The following CBX1 variants were observed in gnomAD, a reference collection of about 807,000 sequenced individuals.
CBX1 encodes chromobox 1.
In CBX1, 10 loss-of-function variants were observed where a neutral mutation model predicts 25.1. That is an observed-to-expected ratio of 0.40 (90% CI 0.25 to 0.68). The LOEUF (loss-of-function observed/expected upper bound fraction) is 0.68. Ranked by LOEUF, CBX1 falls within the 30% of genes least tolerant of loss-of-function variation. CBX1 has a pLI of 0.40. For missense variants in CBX1, 106 were observed against 218.5 expected, an observed-to-expected ratio of 0.49 and a Z score of 3.25; for synonymous variants, 63 against 79.4, an observed-to-expected ratio of 0.79 and a Z score of 1.10.
intron 1 of CBX1, among the ~76,000 whole-genome samples, chr17:48,093,070 C>CA (rs748778471): frequency 0.022 from 195 of 8,734 alleles, 3 homozygotes; most frequent in African/African-American, 0.066. Context: ...AACTCTGTCT[C>CA]AAAAAAAAAA....
chr17:48,090,850 T>C (rs1434438371), intron 1 of CBX1, among the ~76,000 whole-genome samples: 1 of 152,200 alleles, frequency 6.6e-6, no homozygotes, highest in African/African-American at 2.4e-5. Flanking sequence ...ACCTATTACG[T>C]GTAAGGTGCT....
chr17:48,080,951 A>AAT (rs1323670486), intron 1 of CBX1, among the ~76,000 whole-genome samples: 850 of 33,174 alleles, frequency 0.026, 9 homozygotes, highest in Non-Finnish European at 0.035. Flanking sequence ...AAAAAAAAAA[A>AAT]ATATATATAT....
At chr17:48,099,397 C>A (rs2063394915) in intron 1 of CBX1, among the ~76,000 whole-genome samples, 1 of 146,580 alleles carries the variant, frequency 6.8e-6, no homozygotes, top group South Asian at 2.1e-4. Context: ...AGCCACTGCG[C>A]CCGACCCTAC....
rs191445768 is a variant in CBX1 at position 48,084,030 on chromosome 17, T to G, written c.-37-6989A>C. On this transcript the variant is annotated intron_variant, in intron 1 of 4. Coordinates refer to ENST00000225603, the MANE Select transcript of CBX1 (RefSeq NM_001127228.2). ...GTTTAGACACAGGGTGTCGCTCTGT[T>G]GCCCAGTACGGTGGCCTGATCATAA... Among the ~76,000 whole-genome samples the G allele has an allele frequency of 1.8e-3, 277 of 150,064 alleles. 3 individuals carry two copies. The highest frequency in any genetic ancestry group is 0.017 in the Admixed American group (261 of 15,182).
At chr17:48,087,331 C>G (rs2144453132) in intron 1 of CBX1, among the ~76,000 whole-genome samples, 1 of 152,098 alleles carries the variant, frequency 6.6e-6, no homozygotes. Flanking sequence ...AATCCCACCA[C>G]TTTGGGAGGC....
intron 1 of CBX1, among the ~76,000 whole-genome samples, chr17:48,082,306 T>C (rs562235255): frequency 6.1e-4 from 93 of 151,822 alleles, no homozygotes; most frequent in African/African-American, 2.2e-3. Flanking sequence ...ATCGAGCCCA[T>C]CCTGGCTAAC....
intron 4 of CBX1, among the ~76,000 whole-genome samples, chr17:48,073,819 T>G (rs1027103514): frequency 4.0e-4 from 20 of 50,506 alleles, no homozygotes; most frequent in African/African-American, 2.6e-3. Flanking sequence ...AGAGTGAGAC[T>G]GTCTCAAAAA....
At chr17:48,087,473 C>A (rs1351386434) in intron 1 of CBX1, among the ~76,000 whole-genome samples, 2 of 151,916 alleles carry the variant, frequency 1.3e-5, no homozygotes, top group African/African-American at 4.8e-5. Flanking sequence ...ACTCAGGAGG[C>A]TGAGGCAGGA....
intron 4 of CBX1, among the ~76,000 whole-genome samples, chr17:48,072,583 G>C (rs891350616): frequency 6.6e-6 from 1 of 151,740 alleles, no homozygotes; most frequent in Non-Finnish European, 1.5e-5. Flanking sequence ...GTCAGATCGA[G>C]ACCATCCTGG....
chr17:48,088,523 G>A (rs1376008186), intron 1 of CBX1, among the ~76,000 whole-genome samples: 1 of 151,868 alleles, frequency 6.6e-6, no homozygotes, highest in East Asian at 1.9e-4. Context: ...GGAGGCTGAG[G>A]CAGGAAAATC....
chr17:48,078,317 T>A (rs2037697101), intron 1 of CBX1, among the ~76,000 whole-genome samples: 1 of 151,488 alleles, frequency 6.6e-6, no homozygotes, highest in Non-Finnish European at 1.5e-5. Flanking sequence ...CTCAGCCTCC[T>A]GAGTAGCTGT....
chr17:48,077,098 A>G, intron 1 of CBX1, 57 bp from the exon 2 acceptor site: 4 of 1,373,706 alleles, frequency 2.9e-6, no homozygotes, highest in Non-Finnish European at 4.0e-6. Context: ...TGGTTAGATA[A>G]TATCTGGATG....
chr17:48,087,917 A>C (rs1050240631), intron 1 of CBX1, among the ~76,000 whole-genome samples: 1 of 151,924 alleles, frequency 6.6e-6, no homozygotes, highest in Non-Finnish European at 1.5e-5. Context: ...AGAAATACAG[A>C]TGCCTAGACC....
intron 2 of CBX1, 58 bp downstream of exon 2, chr17:48,076,807 T>C: frequency 2.0e-6 from 3 of 1,531,054 alleles, no homozygotes; most frequent in African/African-American, 2.7e-5. Flanking sequence ...GTCTCATACA[T>C]CTCTAGACTC....
At chr17:48,080,814 G>A (rs1296665804) in intron 1 of CBX1, among the ~76,000 whole-genome samples, 5 of 147,416 alleles carry the variant, frequency 3.4e-5, no homozygotes, top group African/African-American at 7.5e-5. Context: ...CCAGCTACTC[G>A]GGAGGCTGAG....
chr17:48,098,519 C>CA (rs1732108951), intron 1 of CBX1, among the ~76,000 whole-genome samples: 2 of 152,244 alleles, frequency 1.3e-5, no homozygotes, highest in Admixed American at 1.3e-4. Context: ...TTTTTTGAGA[C>CA]AGAGTTTCGC....
intron 1 of CBX1, among the ~76,000 whole-genome samples, chr17:48,084,444 C>T (rs1480754931): frequency 6.8e-6 from 1 of 147,014 alleles, no homozygotes; most frequent in South Asian, 2.1e-4. Flanking sequence ...CTCCTGACCT[C>T]GTGATCCACC....
intron 1 of CBX1, chr17:48,096,318 A>C: frequency 4.1e-6 from 4 of 984,262 alleles, no homozygotes; most frequent in Non-Finnish European, 4.8e-6. Flanking sequence ...GTTGACATGG[A>C]TATTTTGACA....
chr17:48,076,521 C>CT (rs1300474793), intron 2 of CBX1, among the ~76,000 whole-genome samples: 1 of 151,972 alleles, frequency 6.6e-6, no homozygotes, highest in Non-Finnish European at 1.5e-5. Context: ...ACCTGGGCAA[C>CT]TAAGCGAGAC....
Sources: allele counts gnomAD v4.1 joint callset (sites outside exome capture counted in the v4.1 genomes callset), GRCh38; gene constraint gnomAD v4.1.1; transcripts MANE v1.5; gene names NCBI Gene and HGNC (gene_info 2026-07-23, HGNC 2026-07-21).